VDAC1: variants seen among roughly 807,000 people sequenced by gnomAD.
The protein encoded by VDAC1 is voltage dependent anion channel 1, also known as non-selective voltage-gated ion channel VDAC1.
VDAC1 carries 10 observed loss-of-function variants against 34.7 expected under a neutral mutation model. That is an observed-to-expected ratio of 0.29 (90% CI 0.18 to 0.49). The LOEUF (loss-of-function observed/expected upper bound fraction) is 0.49, where lower values mean the gene tolerates loss of function less well. VDAC1 is among the 20% of genes least tolerant of loss of function. The probability of loss-of-function intolerance (pLI) is 0.99; values close to 1 mark genes in which losing one functional copy is unlikely to be tolerated. For missense variants in VDAC1, 230 were observed against 347.9 expected, an observed-to-expected ratio of 0.66 and a Z score of 2.69; for synonymous variants, 130 against 136.0, an observed-to-expected ratio of 0.96 and a Z score of 0.30.
chr5:134,072,998 G>GC, the VDAC1 span, among the ~76,000 whole-genome samples: 1 of 152,200 alleles, frequency 6.6e-6, no homozygotes, highest in African/African-American at 2.4e-5. Context: ...GTCGCTCACT[G>GC]CACGGGGGTG....
At chr5:133,978,238 C>G (rs71587510) in intron 6 of VDAC1, among the ~76,000 whole-genome samples, 15,421 of 151,906 alleles carry the variant, frequency 0.1, 908 homozygotes, top group South Asian at 0.21. Flanking sequence ...AAAATCATAG[C>G]TCACTGTAAC....
chr5:134,091,355 C>T, the VDAC1 span, among the ~76,000 whole-genome samples: 1 of 152,206 alleles, frequency 6.6e-6, no homozygotes, highest in Non-Finnish European at 1.5e-5. Flanking sequence ...TCCAGGTTTT[C>T]CCCCTAACTT....
At chr5:133,978,772 G>C (rs1752575771) in intron 6 of VDAC1, among the ~76,000 whole-genome samples, 2 of 152,110 alleles carry the variant, frequency 1.3e-5, no homozygotes, top group Non-Finnish European at 2.9e-5. Context: ...CAGCACTTTG[G>C]GAGGCCAAGG....
At chr5:133,996,877 G>A (rs1753336767) in intron 1 of VDAC1, among the ~76,000 whole-genome samples, 2 of 152,040 alleles carry the variant, frequency 1.3e-5, no homozygotes, top group Admixed American at 6.6e-5. Context: ...GGGAGTTGGG[G>A]AGACCCTCAA....
At chr5:134,055,563 G>A in the VDAC1 span, among the ~76,000 whole-genome samples, 2 of 145,246 alleles carry the variant, frequency 1.4e-5, no homozygotes, top group South Asian at 4.5e-4. Flanking sequence ...GGGACCATAG[G>A]CGCCCGCCAC....
chr5:134,049,659 A>C, the VDAC1 span, among the ~76,000 whole-genome samples: 1 of 152,070 alleles, frequency 6.6e-6, no homozygotes, highest in Non-Finnish European at 1.5e-5. Context: ...AGCTCACTGC[A>C]ACCTCCATCT....
the VDAC1 span, among the ~76,000 whole-genome samples, chr5:134,073,809 T>TTGTG: frequency 4.6e-5 from 7 of 150,646 alleles, no homozygotes; most frequent in East Asian, 1.2e-3. Flanking sequence ...TAACTCAGAC[T>TTGTG]TGTGTGTGTG....
At chr5:133,974,089 G>A (rs540207071) in intron 7 of VDAC1, among the ~76,000 whole-genome samples, 1 of 152,310 alleles carries the variant, frequency 6.6e-6, no homozygotes, top group Non-Finnish European at 1.5e-5. Flanking sequence ...CAGAGAGAAG[G>A]AAGGCCTCTT....
upstream of VDAC1, among the ~76,000 whole-genome samples, chr5:134,008,999 G>T (rs1221313838): frequency 2.0e-5 from 3 of 152,062 alleles, no homozygotes; most frequent in Non-Finnish European, 2.9e-5. Flanking sequence ...GGGCCTCCAG[G>T]TTCTGAGTGA....
chr5:133,986,509 G>T (rs1752912274), intron 5 of VDAC1, among the ~76,000 whole-genome samples: 1 of 151,860 alleles, frequency 6.6e-6, no homozygotes, highest in Admixed American at 6.6e-5. Flanking sequence ...CAATTCTCCT[G>T]CCTCAGCCTC....
the VDAC1 span, among the ~76,000 whole-genome samples, chr5:134,094,083 G>C: frequency 3.3e-4 from 50 of 152,326 alleles, no homozygotes; most frequent in Non-Finnish European, 5.3e-4. Flanking sequence ...GCGGTGAAGT[G>C]GGGGGCGGTG....
the VDAC1 span, among the ~76,000 whole-genome samples, chr5:134,110,368 G>A: frequency 6.6e-6 from 1 of 152,176 alleles, no homozygotes; most frequent in Non-Finnish European, 1.5e-5. Context: ...TGACCCCAAA[G>A]CCCCCTTGCT....
chr5:134,044,307 C>G, the VDAC1 span, among the ~76,000 whole-genome samples: 2 of 152,240 alleles, frequency 1.3e-5, no homozygotes, highest in African/African-American at 4.8e-5. Context: ...AGCTCCAGCT[C>G]CCATCATATG....
intron 1 of VDAC1, among the ~76,000 whole-genome samples, 161 bp from the exon 2 acceptor site, chr5:133,993,179 T>G (rs892212453): frequency 1.3e-5 from 2 of 152,256 alleles, no homozygotes; most frequent in Admixed American, 1.3e-4. Context: ...GCCCTTGCTG[T>G]CTTGTCCTTC....
At chr5:134,079,601 G>C in the VDAC1 span, among the ~76,000 whole-genome samples, 2 of 152,186 alleles carry the variant, frequency 1.3e-5, no homozygotes, top group Non-Finnish European at 2.9e-5. Flanking sequence ...CATTTGTTTT[G>C]GGACAAGTTG....
At chr5:134,090,238 TG>T in the VDAC1 span, among the ~76,000 whole-genome samples, 2 of 152,182 alleles carry the variant, frequency 1.3e-5, no homozygotes, top group African/African-American at 2.4e-5. Context: ...TAATTCTTCG[TG>T]GAATATTCCT....
At chr5:134,109,074 AGGTACGG>A in the VDAC1 span, among the ~76,000 whole-genome samples, 2 of 152,146 alleles carry the variant, frequency 1.3e-5, no homozygotes, top group African/African-American at 4.8e-5. Flanking sequence ...GCCTGACGGC[AGGTACGG>A]GGCCTGCTAA....
intron 1 of VDAC1, among the ~76,000 whole-genome samples, chr5:133,999,490 C>G (rs1647036863): frequency 6.6e-6 from 1 of 152,224 alleles, no homozygotes; most frequent in South Asian, 2.1e-4. Flanking sequence ...CAGAACTGAT[C>G]ATTATGGACT....
chr5:133,980,654 C>CA, intron 6 of VDAC1, 75 bp downstream of exon 6: 1 of 484,570 alleles, frequency 2.1e-6, no homozygotes, highest in Non-Finnish European at 3.0e-6. Flanking sequence ...AAAAAAAAAA[C>CA]AGTGAAAAGC....
Sources: gnomAD v4.1 joint callset for allele counts (sites outside exome capture counted in the v4.1 genomes callset) on GRCh38, gnomAD v4.1.1 for gene constraint, MANE v1.5 for transcripts, NCBI Gene and HGNC (gene_info 2026-07-23, HGNC 2026-07-21) for gene names.